The following RNF13 variants were observed in gnomAD, a reference collection of about 807,000 sequenced individuals.
RNF13 encodes the protein ring finger protein 13, also known as E3 ubiquitin-protein ligase RNF13.
RNF13 carries 19 observed loss-of-function variants against 37.7 expected under a neutral mutation model. The observed-to-expected ratio is 0.50, with a 90% CI of 0.35 to 0.74. The LOEUF (loss-of-function observed/expected upper bound fraction) is 0.74. Among genes scored for constraint, RNF13 ranks in the 30% least tolerant of loss-of-function variants. The pLI is 0.01. For synonymous variants in RNF13, 144 were observed against 157.8 expected (o/e 0.91, Z 0.65); for missense variants, 375 against 453.0 (o/e 0.83, Z 1.56).
intron 4 of RNF13, among the ~76,000 whole-genome samples, chr3:149,885,807 A>G (rs1713958904): frequency 6.6e-6 from 1 of 152,204 alleles, no homozygotes; most frequent in Non-Finnish European, 1.5e-5. Flanking sequence ...ATTTTTGCCC[A>G]GACAAATGTC....
chr3:149,857,913 G>A (rs1473903797), intron 3 of RNF13, among the ~76,000 whole-genome samples: 1 of 152,166 alleles, frequency 6.6e-6, no homozygotes, highest in African/African-American at 2.4e-5. Context: ...CATTGTGGGG[G>A]TGTTGGAAGG....
At position 149,960,771 on chromosome 3, in the gene RNF13, A is replaced by G. The variant is rs1297044933; in HGVS notation, c.813A>G (p.Leu271=). ...ACTGCAAGTGTGTAGACCCTTGGCT[A>G]ACTAAAACCAAAAAAACCTGTCCAG... ...AYHCKCVDPW[L]TKTKKTCPVC... Residue 271 remains leucine, a synonymous_variant, in exon 10 of 10, where the codon CTA becomes CTG. Transcript: ENST00000392894. 1.9e-6 allele frequency: 3 copies of G among 1,613,682 alleles called. No individual in the cohort carries two copies. In the South Asian group the frequency reaches 3.3e-5, roughly 18 times the overall value.
chr3:149,906,171 T>C, intron 6 of RNF13, among the ~76,000 whole-genome samples: 1 of 152,264 alleles, frequency 6.6e-6, no homozygotes, highest in Non-Finnish European at 1.5e-5. Flanking sequence ...TTTATTCTTT[T>C]TATTGCTGAA....
intron 6 of RNF13, among the ~76,000 whole-genome samples, chr3:149,906,726 A>C (rs575169709): frequency 7.3e-6 from 1 of 137,388 alleles, no homozygotes; most frequent in African/African-American, 2.8e-5. Context: ...GTGCCAGCTC[A>C]CTGCAGCCTT....
At chr3:149,868,160 TTTTG>T (rs1314752222) in intron 3 of RNF13, among the ~76,000 whole-genome samples, 5 of 151,820 alleles carry the variant, frequency 3.3e-5, no homozygotes, top group Non-Finnish European at 4.4e-5. Context: ...CTATAATTTT[TTTTG>T]TTTTTCTTTT....
intron 5 of RNF13, among the ~76,000 whole-genome samples, chr3:149,895,992 G>A (rs1576838712): frequency 1.3e-5 from 2 of 152,050 alleles, no homozygotes; most frequent in African/African-American, 4.8e-5. Flanking sequence ...TTAGCCCTTC[G>A]TCATACATTG....
intron 1 of RNF13, among the ~76,000 whole-genome samples, chr3:149,841,885 C>T (rs1231450309): frequency 6.6e-6 from 1 of 152,184 alleles, no homozygotes; most frequent in Non-Finnish European, 1.5e-5. Flanking sequence ...CTGCCTCGGC[C>T]TCCCAAAGTG....
chr3:149,921,260 G>T, intron 8 of RNF13, 33 bp downstream of exon 8: 1 of 1,045,874 alleles, frequency 9.6e-7, no homozygotes. Context: ...ATTATCCTTA[G>T]TTTATTTAAG....
intron 8 of RNF13, among the ~76,000 whole-genome samples, chr3:149,952,990 A>G (rs2108606221): frequency 6.6e-6 from 1 of 152,332 alleles, no homozygotes; most frequent in East Asian, 1.9e-4. Flanking sequence ...AGGATGATAA[A>G]TCTTCATTCA....
At chr3:149,927,542 G>A (rs1418116983) in intron 8 of RNF13, among the ~76,000 whole-genome samples, 2 of 152,178 alleles carry the variant, frequency 1.3e-5, no homozygotes, top group Non-Finnish European at 2.9e-5. Context: ...CCTGGATACT[G>A]TCTTCCACAG....
chr3:149,815,347 G>A (rs1019476216), intron 1 of RNF13, among the ~76,000 whole-genome samples: 1 of 152,152 alleles, frequency 6.6e-6, no homozygotes, highest in South Asian at 2.1e-4. Context: ...CAACTATCAT[G>A]GTATGTTTTG....
chr3:149,953,293 C>T (rs1223704624), intron 8 of RNF13, among the ~76,000 whole-genome samples: 1 of 152,206 alleles, frequency 6.6e-6, no homozygotes, highest in East Asian at 1.9e-4. Context: ...TAATGCAATG[C>T]TCTTTCCCTC....
At chr3:149,838,244 T>A (rs1721828233) in intron 1 of RNF13, among the ~76,000 whole-genome samples, 1 of 152,126 alleles carries the variant, frequency 6.6e-6, no homozygotes, top group Non-Finnish European at 1.5e-5. Flanking sequence ...CTTTTCCAGG[T>A]GCACGGTGCA....
intron 8 of RNF13, among the ~76,000 whole-genome samples, chr3:149,933,734 C>G (rs74552433): frequency 6.6e-6 from 1 of 151,772 alleles, no homozygotes. Context: ...TAGGTACCCA[C>G]GACCACGCCT....
At chr3:149,945,463 C>T (rs1720676165) in intron 8 of RNF13, among the ~76,000 whole-genome samples, 1 of 152,200 alleles carries the variant, frequency 6.6e-6, no homozygotes. Context: ...AGGAGGCCTG[C>T]CTGCCTCTGT....
At chr3:149,866,264 C>G (rs1440244331) in intron 3 of RNF13, among the ~76,000 whole-genome samples, 1 of 152,194 alleles carries the variant, frequency 6.6e-6, no homozygotes, top group East Asian at 1.9e-4. Context: ...ATAGACAGAA[C>G]AGCCTGGAGG....
chr3:149,929,996 G>A (rs536617894), intron 8 of RNF13, among the ~76,000 whole-genome samples: 275 of 152,294 alleles, frequency 1.8e-3, no homozygotes, highest in South Asian at 7.7e-3. Context: ...TGCAATCTCG[G>A]CTCACTGCAA....
chr3:149,954,238 T>C lies in RNF13; in HGVS notation c.701-5818T>C, dbSNP rs965547185. On this transcript the variant is annotated intron_variant, in intron 8 of 9. Coordinates refer to ENST00000392894, the MANE Select transcript of RNF13 (RefSeq NM_183381.3). ...TTTGGTTGTTGCAATTTTCTCCTTA[T>C]TGCATCTAATTGAAAACATAGAGGA... Among the ~76,000 whole-genome samples the C allele has an allele frequency of 1.4e-4, 21 of 152,212 alleles. No individual in the cohort carries two copies. The East Asian group carries it at 3.9e-3, about 28-fold the overall frequency.
rs931561842 is a variant in RNF13 at position 149,859,791 on chromosome 3, A to G, written c.195+7195A>G. ...TAGAACTGGTATAATTAAAATGACC[A>G]TACTGCCTAAAGCAGTCTACAGATT... On this transcript the variant is annotated intron_variant, in intron 3 of 9. Transcript: ENST00000392894. 3.3e-5 allele frequency among the ~76,000 whole-genome samples: 5 copies of G among 152,212 alleles called. No individual in the cohort carries two copies. The South Asian group carries it at 6.2e-4, about 19-fold the overall frequency.
Sources: allele counts gnomAD v4.1 joint callset (sites outside exome capture counted in the v4.1 genomes callset), GRCh38; gene constraint gnomAD v4.1.1; transcripts MANE v1.5; gene names NCBI Gene and HGNC (gene_info 2026-07-23, HGNC 2026-07-21).